Variants in PDE6A observed in about 807,000 individuals in gnomAD.
PDE6A encodes rod cGMP-specific 3',5'-cyclic phosphodiesterase subunit alpha.
A neutral mutation model predicts 106.3 loss-of-function variants in PDE6A; 84 were observed. The observed-to-expected ratio is 0.79, with a 90% CI of 0.66 to 0.95. The LOEUF (loss-of-function observed/expected upper bound fraction) is 0.95, where lower values mean the gene tolerates loss of function less well. Among genes scored for constraint, PDE6A ranks in the 40% least tolerant of loss-of-function variants. The probability of loss-of-function intolerance (pLI) is 0.00; values close to 1 mark genes in which losing one functional copy is unlikely to be tolerated. For synonymous variants in PDE6A, 394 were observed against 386.6 expected, an observed-to-expected ratio of 1.02 and a Z score of -0.23; for missense variants, 1,052 against 1,084.9, an observed-to-expected ratio of 0.97 and a Z score of 0.43.
At chr5:149,924,391 T>C (rs1217017347) in intron 4 of PDE6A, among the ~76,000 whole-genome samples, 1 of 151,420 alleles carries the variant, frequency 6.6e-6, no homozygotes, top group Non-Finnish European at 1.5e-5. Context: ...TTGTCTTTAG[T>C]TATAAGAATA....
At chr5:149,899,348 A>T in intron 9 of PDE6A, 27 bp downstream of exon 9, 1 of 1,613,580 alleles carries the variant, frequency 6.2e-7, no homozygotes, top group Non-Finnish European at 8.5e-7. Flanking sequence ...GAATCCCAAC[A>T]GCAAAAGGCC....
At chr5:149,915,160 G>A (rs143838620) in intron 5 of PDE6A, among the ~76,000 whole-genome samples, 153 bp from the exon 6 acceptor site, 395 of 149,112 alleles carry the variant, frequency 2.6e-3, no homozygotes, top group African/African-American at 9.2e-3. Context: ...TCAGCCTCCC[G>A]AGTAAATGGG....
chr5:149,925,890 G>T (rs1030040359), intron 4 of PDE6A, among the ~76,000 whole-genome samples: 1 of 152,068 alleles, frequency 6.6e-6, no homozygotes, highest in African/African-American at 2.4e-5. Context: ...CAGATATCAT[G>T]ATATTTTATA....
rs1012895408 is a variant in PDE6A at position 149,860,638 on chromosome 5, T to A, written c.*257A>T. The A allele has an allele frequency of 3.4e-5, 9 of 264,012 alleles. No individual in the cohort carries two copies. The highest frequency in any genetic ancestry group is 6.8e-5 in the East Asian group (1 of 14,664). 16.4% of individuals were successfully genotyped at this position (264,012 alleles called of 1,614,324 possible). ...TAAACTTTCTTAAAACATTATGAAA[T>A]TTTTTTTTTTGGCGATTTTTTTTTT... On this transcript the variant is annotated 3_prime_UTR_variant, in exon 22 of 22. Coordinates refer to ENST00000255266, the MANE Select transcript of PDE6A (RefSeq NM_000440.3).
At chr5:149,936,211 G>A (rs987490265) in intron 1 of PDE6A, among the ~76,000 whole-genome samples, 1 of 77,210 alleles carries the variant, frequency 1.3e-5, no homozygotes, top group Non-Finnish European at 2.6e-5. Flanking sequence ...GGAATTCAGA[G>A]CATAATGCTC....
At chr5:149,927,379 A>G (rs539699014) in intron 4 of PDE6A, among the ~76,000 whole-genome samples, 1 of 152,276 alleles carries the variant, frequency 6.6e-6, no homozygotes, top group South Asian at 2.1e-4. Flanking sequence ...GCTACACCAA[A>G]TGTATTTTTA....
intron 16 of PDE6A, 107 bp downstream of exon 16, chr5:149,884,372 A>G (rs1761059427): frequency 5.5e-6 from 4 of 722,812 alleles, no homozygotes; most frequent in East Asian, 2.7e-5. Flanking sequence ...ATATGTATAT[A>G]TGTGTGTATA....
At chr5:149,918,396 G>C (rs910923129) in intron 5 of PDE6A, among the ~76,000 whole-genome samples, 9 of 152,152 alleles carry the variant, frequency 5.9e-5, no homozygotes, top group Non-Finnish European at 1.2e-4. Flanking sequence ...GTGCAGAGTG[G>C]TGGTGGTGGA....
At chr5:149,910,449 T>G (rs1753346067) in intron 6 of PDE6A, among the ~76,000 whole-genome samples, 1 of 152,194 alleles carries the variant, frequency 6.6e-6, no homozygotes, top group Admixed American at 6.5e-5. Flanking sequence ...ACTTGTAATT[T>G]TTACTTTATT....
chr5:149,862,933 G>A (rs1245040307), intron 21 of PDE6A, among the ~76,000 whole-genome samples, 186 bp downstream of exon 21: 1 of 152,116 alleles, frequency 6.6e-6, no homozygotes, highest in African/African-American at 2.4e-5. Context: ...TTGGGAACCG[G>A]GCTCTGTCTC....
rs908668410 is a variant in PDE6A, at chr5:149,886,473, C to T, written c.1729-99G>A. The T allele has an allele frequency of 1.1e-5, 9 of 834,052 alleles. No individual in the cohort carries two copies. The African/African-American group carries it at 1.5e-4, about 14-fold the overall frequency. The allele number at this position is 834,052 out of a possible 1,614,324, so 51.7% of individuals were successfully genotyped here. On this transcript the variant is annotated intron_variant, in intron 13 of 21. Transcript: ENST00000255266. ...AGGAGGAGGGCCCAGAACTAAAAAA[C>T]TCATGGGTCTGATCTTGGCTGTATC...
chr5:149,896,815 T>C, intron 10 of PDE6A, 39 bp from the exon 11 acceptor site: 1 of 1,606,162 alleles, frequency 6.2e-7, no homozygotes, highest in South Asian at 1.1e-5. Context: ...AAAAATAGGT[T>C]ACAACATGCC....
At chr5:149,913,224 A>C (rs1167910080) in intron 6 of PDE6A, among the ~76,000 whole-genome samples, 1 of 152,008 alleles carries the variant, frequency 6.6e-6, no homozygotes, top group Non-Finnish European at 1.5e-5. Flanking sequence ...TCTACTAAAA[A>C]TACACAAATT....
At chr5:149,888,067 G>A (rs1485430134) in intron 13 of PDE6A, among the ~76,000 whole-genome samples, 1 of 152,098 alleles carries the variant, frequency 6.6e-6, no homozygotes, top group Non-Finnish European at 1.5e-5. Context: ...AGCCCAGGAG[G>A]TCAAGGCTGC....
intron 5 of PDE6A, among the ~76,000 whole-genome samples, chr5:149,920,339 G>A (rs1753666946): frequency 6.6e-6 from 1 of 152,188 alleles, no homozygotes; most frequent in Admixed American, 6.5e-5. Flanking sequence ...TCAGCACTGT[G>A]GGAGGCCGAG....
chr5:149,896,214 C>T (rs960562599), intron 12 of PDE6A, 142 bp downstream of exon 12: 80 of 688,566 alleles, frequency 1.2e-4, no homozygotes, highest in Non-Finnish European at 1.8e-4. Context: ...AATGACTCAT[C>T]TGTGCAACAT....
At chr5:149,884,904 C>A (rs762979110) in intron 14 of PDE6A, 37 bp from the exon 15 acceptor site, 12 of 1,502,976 alleles carry the variant, frequency 8.0e-6, no homozygotes, top group Non-Finnish European at 1.1e-5. Flanking sequence ...ATGGAGTGGA[C>A]AATAGAAAAT....
At position 149,866,126 on chromosome 5, in the gene PDE6A, T is replaced by G. The variant is rs375346261; in HGVS notation, c.2358+44A>C. 17 of 1,384,592 alleles carry G rather than the reference T, an allele frequency of 1.2e-5. No homozygotes were observed. In the African/African-American group the frequency reaches 2.1e-4, roughly 17 times the overall value. 85.8% of individuals were successfully genotyped at this position (1,384,592 alleles called of 1,614,324 possible). A position where few individuals can be genotyped will look rare whatever the true frequency, so the allele number is the denominator to read the frequency against. ...CTGCTGTTGTCTGGAAATCCCAGGT[T>G]TATCAAAGACATCTTGTTGCGGCTG... On this transcript the variant is annotated intron_variant, in intron 20 of 21. Coordinates refer to ENST00000255266, the MANE Select transcript of PDE6A (RefSeq NM_000440.3).
In PDE6A at chr5:149,920,887, C is replaced by CAGAG. The variant is rs147822187; in HGVS notation, c.933+744_933+747dup. Among the ~76,000 whole-genome samples the CAGAG allele has an allele frequency of 7.4e-3, 939 of 126,410 alleles. 34 individuals carry two copies. The highest frequency in any genetic ancestry group is 0.051 in the Admixed American group (586 of 11,526). The allele number at this position is 126,410 out of a possible 152,430, so 82.9% of individuals were successfully genotyped here. A position where few individuals can be genotyped will look rare whatever the true frequency, so the allele number is the denominator to read the frequency against. On this transcript the variant is annotated intron_variant, in intron 5 of 21. Coordinates refer to ENST00000255266, the MANE Select transcript of PDE6A (RefSeq NM_000440.3). ...CCTATCTGAGAGAGAAAGAGAGAGACAGAGAGAGAGAGAGAGAGAAGAAAA... is the reference window on the plus strand; with the variant it reads ...CCTATCTGAGAGAGAAAGAGAGAGACAGAGAGAGAGAGAGAGAGAGAGAAGAAAA...
Sources: allele counts gnomAD v4.1 joint callset (sites outside exome capture counted in the v4.1 genomes callset), GRCh38; gene constraint gnomAD v4.1.1; transcripts MANE v1.5; gene names NCBI Gene and HGNC (gene_info 2026-07-23, HGNC 2026-07-21).